Variants in DDB1 observed in about 807,000 individuals in gnomAD.
DDB1 encodes the protein DNA damage-binding protein 1.
Under a neutral mutation model 133.1 loss-of-function variants are expected in DDB1, and 18 were observed. The observed-to-expected ratio is 0.14, with a 90% CI of 0.09 to 0.20. DDB1 has a LOEUF of 0.20. Among genes scored for constraint, DDB1 ranks in the 10% least tolerant of loss-of-function variants. DDB1 has a pLI of 1.00. For synonymous variants in DDB1, 580 were observed against 550.5 expected, an observed-to-expected ratio of 1.05 and a Z score of -0.75; for missense variants, 828 against 1,459.2, an observed-to-expected ratio of 0.57 and a Z score of 7.05.
In DDB1 at chr11:61,321,943, G is replaced by A. The variant is rs1856186615; in HGVS notation, c.1123-246C>T. On this transcript the variant is annotated intron_variant, in intron 9 of 26. Coordinates refer to ENST00000301764, the MANE Select transcript of DDB1 (RefSeq NM_001923.5). ...CCTAGCAAGCTTGCTTAGATCGCTG[G>A]GACCTAGTTTACTAGAATGAGCACA... The A allele has an allele frequency of 5.5e-6, 3 of 548,496 alleles. No homozygotes were observed. In the African/African-American group the frequency reaches 5.6e-5, roughly 10 times the overall value. 34.0% of individuals were successfully genotyped at this position (548,496 alleles called of 1,614,324 possible).
In DDB1 at chr11:61,329,981, TA is replaced by T; in HGVS notation, c.303del (p.Thr102ArgfsTer29). 1 of 1,613,634 alleles carries T rather than the reference TA, an allele frequency of 6.2e-7. No individual in the cohort carries two copies. Among genetic ancestry groups the T allele is most frequent in the Non-Finnish European group, 8.5e-7 (1 of 1,179,530 alleles). ...YKQSGESIDI[I>X]TRAHGNVQDR... ...ACCTGGACATTGCCATGGGCTCGCGTAATGATGTCAATGCTCTCGCCACTCT... is the reference window on the plus strand; with the variant it reads ...ACCTGGACATTGCCATGGGCTCGCGTATGATGTCAATGCTCTCGCCACTCT... On this transcript the variant is annotated frameshift_variant, in exon 3 of 27. Coordinates refer to ENST00000301764, the MANE Select transcript of DDB1 (RefSeq NM_001923.5). LOFTEE classifies it high-confidence loss of function.
intron 10 of DDB1, among the ~76,000 whole-genome samples, chr11:61,316,978 T>G (rs1338814591): frequency 6.1e-5 from 4 of 65,732 alleles, no homozygotes; most frequent in Non-Finnish European, 1.5e-4. Context: ...TATATATATA[T>G]ATATATATAT....
At chr11:61,311,352 CACATA>C (rs139124733) in intron 18 of DDB1, 2,926 of 161,170 alleles carry the variant, frequency 0.018, 87 homozygotes, top group African/African-American at 0.06. Context: ...ACAAACATAA[CACATA>C]ACATAACATA....
At chr11:61,310,557 T>C (rs1458868147) in intron 18 of DDB1, 139 bp from the exon 19 acceptor site, 1 of 963,014 alleles carries the variant, frequency 1.0e-6, no homozygotes, top group Non-Finnish European at 1.5e-6. Context: ...TCAAGGAGCC[T>C]GAGGAGAGTG....
At chr11:61,310,065 T>C in intron 19 of DDB1, 105 bp from the exon 20 acceptor site, 1 of 1,469,186 alleles carries the variant, frequency 6.8e-7, no homozygotes, top group Non-Finnish European at 9.5e-7. Flanking sequence ...ACAAAGCGTG[T>C]ACCACCTGCT....
chr11:61,304,757 A>T (rs1855857657), intron 21 of DDB1, among the ~76,000 whole-genome samples: 1 of 151,900 alleles, frequency 6.6e-6, no homozygotes, highest in African/African-American at 2.4e-5. Context: ...GGGCACCTGT[A>T]GTCCCAGCTA....
chr11:61,331,728 G>T (rs1461475035), intron 1 of DDB1, 37 bp from the exon 2 acceptor site: 7 of 1,611,590 alleles, frequency 4.3e-6, no homozygotes, highest in Non-Finnish European at 5.9e-6. Flanking sequence ...GAACTCAGGG[G>T]AAGGGCCTCC....
chr11:61,302,380 G>A, intron 24 of DDB1, 21 bp from the exon 25 acceptor site: 1 of 1,608,858 alleles, frequency 6.2e-7, no homozygotes. Flanking sequence ...GAAGGAGGCA[G>A]TGAGCTGCAG....
intron 21 of DDB1, among the ~76,000 whole-genome samples, chr11:61,306,023 T>C (rs1014233906): frequency 2.6e-5 from 4 of 152,236 alleles, no homozygotes; most frequent in African/African-American, 9.6e-5. Flanking sequence ...CACCTGCTTC[T>C]TTTTGCATTT....
rs769032698 is a variant in DDB1, at chr11:61,316,553, G to T, written c.1240C>A (p.Arg414=). ...LPGIKGLWPL[R]SDPNRETDDT... is the part of the protein sequence containing the mutation. The stretch of plus-strand genomic sequence containing the variant: ...TCAGTCTCACGATTAGGGTCAGACC[G>T]CAGTGGCCATAATCCTGGAACAAGG... The change falls in exon 11 of 27, where the codon CGG becomes AGG. Residue 414 remains arginine, a synonymous_variant. Coordinates refer to ENST00000301764, the MANE Select transcript of DDB1 (RefSeq NM_001923.5). The T allele has an allele frequency of 1.2e-6, 2 of 1,614,126 alleles. No individual in the cohort carries two copies. The highest frequency in any genetic ancestry group is 1.7e-6 in the Non-Finnish European group (2 of 1,180,030).
intron 6 of DDB1, 178 bp from the exon 7 acceptor site, chr11:61,324,315 T>G (rs1856234481): frequency 2.8e-5 from 17 of 611,472 alleles, no homozygotes; most frequent in South Asian, 2.6e-4. Context: ...AATGGGGAGC[T>G]TTTTTATTTT....
intron 10 of DDB1, among the ~76,000 whole-genome samples, chr11:61,319,417 TCTCA>T (rs1856139863): frequency 6.6e-6 from 1 of 152,068 alleles, no homozygotes; most frequent in African/African-American, 2.4e-5. Context: ...GGCTAACATG[TCTCA>T]CTGCTTTCTT....
At chr11:61,310,492 C>T (rs1298980702) in intron 18 of DDB1, 74 bp from the exon 19 acceptor site, 15 of 1,480,966 alleles carry the variant, frequency 1.0e-5, no homozygotes, top group South Asian at 2.8e-5. Flanking sequence ...TGAAGGGACC[C>T]GTCAGATCAG....
At chr11:61,311,659 G>A (rs1855973320) in intron 18 of DDB1, 125 bp downstream of exon 18, 2 of 786,770 alleles carry the variant, frequency 2.5e-6, no homozygotes, top group Non-Finnish European at 4.0e-6. Flanking sequence ...CGATGGCAAA[G>A]TTGAACAGTC....
At position 61,316,351 on chromosome 11, in the gene DDB1, C is replaced by T; in HGVS notation, c.1344G>A (p.Leu448=). ...TCTGCTGATCATCCACGAAACCCAT[C>T]AGTTCGGTTTCTTCTACCTCCTCTC... ...LNGEEVEETE[L]MGFVDDQQTF... is the part of the protein sequence containing the mutation. The change falls in exon 12 of 27, where the codon CTG becomes CTA. Residue 448 remains leucine, a synonymous_variant. Coordinates refer to ENST00000301764, the MANE Select transcript of DDB1 (RefSeq NM_001923.5). 6.2e-7 allele frequency: 1 copy of T among 1,614,188 alleles called. No individual in the cohort carries two copies. Among genetic ancestry groups the T allele is most frequent in the South Asian group, 1.1e-5 (1 of 91,088 alleles).
At chr11:61,332,021 C>G (rs1856386784) in intron 1 of DDB1, 1 of 210,378 alleles carries the variant, frequency 4.8e-6, no homozygotes, top group Non-Finnish European at 9.7e-6. Context: ...GTGGCAGGCT[C>G]TAATTGAGAA....
intron 19 of DDB1, 65 bp from the exon 20 acceptor site, chr11:61,310,025 G>A (rs1021418743): frequency 1.3e-5 from 20 of 1,600,004 alleles, no homozygotes; most frequent in South Asian, 8.8e-5. Context: ...ACATAACCCC[G>A]TATTTCTGAG....
chr11:61,326,089 TCAGGGCTAC>T, intron 5 of DDB1: 1 of 309,004 alleles, frequency 3.2e-6, no homozygotes, highest in South Asian at 3.1e-5. Context: ...CCCCCCATTA[TCAGGGCTAC>T]CACTGAGAAG....
At position 61,333,104 on chromosome 11, in the gene DDB1, C is replaced by A. The variant is rs28720248; in HGVS notation, c.-136G>T. The stretch of plus-strand genomic sequence containing the variant: ...CTCCGCCCCAGAGACACGTTGCAGG[C>A]CAGAGCGGCCGGGGCGCGGGGCATC... On this transcript the variant is annotated 5_prime_UTR_variant, in exon 1 of 27. Transcript: ENST00000301764. 791 of 774,254 alleles carry A rather than the reference C, an allele frequency of 1.0e-3. 8 individuals are homozygous for A. In the African/African-American group the frequency reaches 0.013, roughly 12 times the overall value. 48.0% of individuals were successfully genotyped at this position (774,254 alleles called of 1,614,324 possible).
Sources: gnomAD v4.1 joint callset for allele counts (sites outside exome capture counted in the v4.1 genomes callset) on GRCh38, gnomAD v4.1.1 for gene constraint, MANE v1.5 for transcripts, NCBI Gene and HGNC (gene_info 2026-07-23, HGNC 2026-07-21) for gene names.